The following ZFPM2 variants were observed in gnomAD, a reference collection of about 807,000 sequenced individuals.
ZFPM2 encodes the protein zinc finger protein ZFPM2.
ZFPM2 carries 20 observed loss-of-function variants against 98.6 expected under a neutral mutation model. The observed-to-expected ratio is 0.20, with a 90% confidence interval of 0.14 to 0.29. ZFPM2 has a LOEUF of 0.29. Among genes scored for constraint, ZFPM2 ranks in the 10% least tolerant of loss-of-function variants. ZFPM2 has a pLI of 1.00. For synonymous variants in ZFPM2, 518 were observed against 502.7 expected, an observed-to-expected ratio of 1.03 and a Z score of -0.41; for missense variants, 1,310 against 1,388.6, an observed-to-expected ratio of 0.94 and a Z score of 0.90.
At chr8:105,496,334 T>C (rs1813466648) in intron 3 of ZFPM2, among the ~76,000 whole-genome samples, 1 of 152,086 alleles carries the variant, frequency 6.6e-6, no homozygotes, top group Non-Finnish European at 1.5e-5. Flanking sequence ...TCAGTGGTTT[T>C]GTATCTTCTT....
At chr8:105,712,537 C>T (rs13274154) in intron 5 of ZFPM2, among the ~76,000 whole-genome samples, 3 of 151,896 alleles carry the variant, frequency 2.0e-5, no homozygotes, top group East Asian at 1.9e-4. Flanking sequence ...GGGGCGACTA[C>T]AAGCCATTTT....
At chr8:105,423,289 C>T (rs777495103) in intron 2 of ZFPM2, among the ~76,000 whole-genome samples, 8 of 152,126 alleles carry the variant, frequency 5.3e-5, no homozygotes, top group Non-Finnish European at 1.0e-4. Flanking sequence ...CCTGGCAATT[C>T]TATTGGCATT....
rs538793359 is a variant in ZFPM2, at chr8:105,657,425, C to T, written c.532+23068C>T. ...AAGTGCTGGGATTACGGGAGTGAGC[C>T]ATCGCACCTGGCCGTAATGCTCTTC... On this transcript the variant is annotated intron_variant, in intron 5 of 7. Coordinates refer to ENST00000407775, the MANE Select transcript of ZFPM2 (RefSeq NM_012082.4). Among the ~76,000 whole-genome samples, 12 of 152,256 alleles carry T rather than the reference C, an allele frequency of 7.9e-5. No homozygotes were observed. In the South Asian group the frequency reaches 2.5e-3, roughly 32 times the overall value.
chr8:105,583,408 T>C (rs1014777162), intron 4 of ZFPM2, among the ~76,000 whole-genome samples: 4 of 152,118 alleles, frequency 2.6e-5, no homozygotes, highest in Non-Finnish European at 5.9e-5. Context: ...TTTTAAAAAT[T>C]TCTAAGCTTT....
intron 5 of ZFPM2, among the ~76,000 whole-genome samples, chr8:105,760,542 CA>C (rs35968813): frequency 6.6e-6 from 1 of 151,744 alleles, no homozygotes; most frequent in South Asian, 2.1e-4. Flanking sequence ...ACTTTGGGTT[CA>C]AAAAAATTAT....
intron 1 of ZFPM2, chr8:105,418,753 C>A: frequency 2.1e-6 from 1 of 487,778 alleles, no homozygotes; most frequent in Non-Finnish European, 4.0e-6. Flanking sequence ...ATTAAAATCT[C>A]AGGTAAAATT....
At chr8:105,437,447 TTCAA>T (rs1230422539) in intron 2 of ZFPM2, among the ~76,000 whole-genome samples, 1 of 152,114 alleles carries the variant, frequency 6.6e-6, no homozygotes, top group South Asian at 2.1e-4. Flanking sequence ...AAACTACTTG[TTCAA>T]TCAACCCCTT....
rs764140951 is a variant in ZFPM2 at position 105,475,726 on chromosome 8, G to A, written c.301+31345G>A. ...TGAATAAGCAGTGAAAACAAAATTC[G>A]TCAGCTGTTGTTAATTTTTAACAGC... On this transcript the variant is annotated intron_variant, in intron 3 of 7. Transcript: ENST00000407775. 3.9e-5 allele frequency among the ~76,000 whole-genome samples: 6 copies of A among 152,136 alleles called. No individual in the cohort carries two copies. In the South Asian group the frequency reaches 8.3e-4, roughly 21 times the overall value.
At chr8:105,513,312 G>A (rs1404161766) in intron 3 of ZFPM2, among the ~76,000 whole-genome samples, 4 of 152,202 alleles carry the variant, frequency 2.6e-5, no homozygotes, top group African/African-American at 7.2e-5. Context: ...CTCAGGTAGC[G>A]AAATACCTGC....
chr8:105,386,370 T>C (rs988860587), intron 1 of ZFPM2, among the ~76,000 whole-genome samples: 15 of 152,332 alleles, frequency 9.8e-5, no homozygotes, highest in Admixed American at 8.5e-4. Context: ...TCATGAGCAC[T>C]GGCCACACTA....
intron 5 of ZFPM2, among the ~76,000 whole-genome samples, chr8:105,655,658 A>G (rs1480177075): frequency 1.3e-5 from 2 of 152,196 alleles, no homozygotes; most frequent in Non-Finnish European, 2.9e-5. Context: ...AGAATCATAA[A>G]ATTCACACAA....
At chr8:105,655,223 CTTTTTTTTTT>C (rs34262627) in intron 5 of ZFPM2, among the ~76,000 whole-genome samples, 1 of 76,088 alleles carries the variant, frequency 1.3e-5, no homozygotes, top group Non-Finnish European at 2.5e-5. Context: ...TGCATTGAGT[CTTTTTTTTTT>C]TTTTTTTTTT....
chr8:105,352,085 G>A (rs542435694), intron 1 of ZFPM2, among the ~76,000 whole-genome samples: 2 of 152,282 alleles, frequency 1.3e-5, no homozygotes, highest in East Asian at 3.9e-4. Flanking sequence ...AATTTAGAAT[G>A]AGTTTTTTAA....
At chr8:105,736,840 T>C (rs950300098) in intron 5 of ZFPM2, among the ~76,000 whole-genome samples, 1 of 152,060 alleles carries the variant, frequency 6.6e-6, no homozygotes, top group Non-Finnish European at 1.5e-5. Flanking sequence ...TGCAGACATT[T>C]CTCCTATAAA....
At chr8:105,657,447 C>A (rs1224478315) in intron 5 of ZFPM2, among the ~76,000 whole-genome samples, 2 of 152,008 alleles carry the variant, frequency 1.3e-5, no homozygotes, top group Non-Finnish European at 2.9e-5. Context: ...CCGTAATGCT[C>A]TTCTATTCTT....
chr8:105,450,457 A>C (rs1410050923), intron 3 of ZFPM2, among the ~76,000 whole-genome samples: 5 of 152,172 alleles, frequency 3.3e-5, no homozygotes. Context: ...ATAGTCTGAC[A>C]GTAAGAAGAA....
intron 5 of ZFPM2, among the ~76,000 whole-genome samples, chr8:105,686,535 T>G (rs1810739727): frequency 6.6e-6 from 1 of 152,150 alleles, no homozygotes; most frequent in South Asian, 2.1e-4. Flanking sequence ...AACACATGTT[T>G]GAAACATATG....
chr8:105,766,715 A>G (rs1424401666), intron 5 of ZFPM2, among the ~76,000 whole-genome samples: 1 of 151,888 alleles, frequency 6.6e-6, no homozygotes, highest in Non-Finnish European at 1.5e-5. Flanking sequence ...TTTTGAGAAG[A>G]TAATCAGACT....
At chr8:105,369,412 A>G (rs1024064736) in intron 1 of ZFPM2, among the ~76,000 whole-genome samples, 1 of 152,124 alleles carries the variant, frequency 6.6e-6, no homozygotes, top group Non-Finnish European at 1.5e-5. Flanking sequence ...TTTTTTTTTA[A>G]CTTGGGTAAT....
Sources: allele counts gnomAD v4.1 joint callset (sites outside exome capture counted in the v4.1 genomes callset), GRCh38; gene constraint gnomAD v4.1.1; transcripts MANE v1.5; gene names NCBI Gene and HGNC (gene_info 2026-07-23, HGNC 2026-07-21).